Variants in PRMT2 observed in about 807,000 individuals in gnomAD.
PRMT2 encodes the protein protein arginine methyltransferase 2, also known as protein arginine N-methyltransferase 2.
In PRMT2, 26 loss-of-function variants were observed where a neutral mutation model predicts 57.6. That is an observed-to-expected ratio of 0.45 (90% confidence interval 0.33 to 0.63). The LOEUF (loss-of-function observed/expected upper bound fraction) is 0.63, where lower values mean the gene tolerates loss of function less well. PRMT2 is among the 20% of genes least tolerant of loss of function. The probability of loss-of-function intolerance (pLI) is 0.02; values close to 1 mark genes in which losing one functional copy is unlikely to be tolerated. For missense variants in PRMT2, 472 were observed against 564.4 expected (o/e 0.84, Z 1.66); for synonymous variants, 219 against 220.0 (o/e 1.00, Z 0.04).
chr21:46,648,445 G>T lies in PRMT2; in HGVS notation c.328-13G>T. The T allele has an allele frequency of 6.2e-7, 1 of 1,613,492 alleles. No homozygotes were observed. The highest frequency in any genetic ancestry group is 8.5e-7 in the Non-Finnish European group (1 of 1,179,616). ...GGTCACAGGCAGTGATTCTGAATGT[G>T]CATTTCTTCCAGAAACTCCACTTGG... On this transcript the variant is annotated splice_polypyrimidine_tract_variant and intron_variant, in intron 5 of 11. Transcript: ENST00000355680. The surrounding 1 kb of genome is among the most constrained non-coding windows in gnomAD (Gnocchi z 4.8).
chr21:46,660,999 T>C (rs373303953), intron 9 of PRMT2, 37 bp downstream of exon 9: 1 of 1,595,548 alleles, frequency 6.3e-7, no homozygotes, highest in Admixed American at 1.7e-5. Flanking sequence ...CATTCGATAA[T>C]CAGTGACCAC....
In PRMT2 at chr21:46,649,803, T is replaced by C; in HGVS notation, c.654+64T>C. Reference sequence around the variant, plus strand: ...GGGGGCTTCTGAGCACGGGCTCGGCTGGGCCAACCTCAGGATCTCAAGGGT... The same window carrying C: ...GGGGGCTTCTGAGCACGGGCTCGGCCGGGCCAACCTCAGGATCTCAAGGGT... On this transcript the variant is annotated intron_variant, in intron 7 of 11. Transcript: ENST00000355680. The surrounding 1 kb of genome is among the most constrained non-coding windows in gnomAD (Gnocchi z 4.8). 1 of 1,570,896 alleles carries C rather than the reference T, an allele frequency of 6.4e-7. No homozygotes were observed. Among genetic ancestry groups the C allele is most frequent in the Non-Finnish European group, 8.6e-7 (1 of 1,156,830 alleles).
At chr21:46,642,611 T>C (rs2061295703) in intron 3 of PRMT2, among the ~76,000 whole-genome samples, 1 of 152,264 alleles carries the variant, frequency 6.6e-6, no homozygotes, top group Admixed American at 6.5e-5. Flanking sequence ...ATTACTTTTA[T>C]GTTTAGGAAA....
At chr21:46,660,223 C>G (rs2061599663) in intron 8 of PRMT2, 1 of 942,762 alleles carries the variant, frequency 1.1e-6, no homozygotes, top group African/African-American at 1.8e-5. Context: ...CTAGTGCAGC[C>G]AGTGATGGGG....
chr21:46,644,571 G>A, intron 5 of PRMT2, 83 bp downstream of exon 5: 2 of 1,385,718 alleles, frequency 1.4e-6, no homozygotes, highest in Non-Finnish European at 1.9e-6. Flanking sequence ...TTCAGAGCAG[G>A]CCCATAGTCT....
chr21:46,664,407 C>G lies in PRMT2; in HGVS notation c.*80C>G, dbSNP rs770532302. The G allele has an allele frequency of 6.5e-7, 1 of 1,540,542 alleles. No homozygotes were observed. Among genetic ancestry groups the G allele is most frequent in the Non-Finnish European group, 9.0e-7 (1 of 1,115,012 alleles). On this transcript the variant is annotated 3_prime_UTR_variant, in exon 12 of 12. Transcript: ENST00000355680. ...AAGCAAACCAAGTTGCACCTGGCTTCTGCACACTCCTGCGAAAGTCGGTGA... is the reference window on the plus strand; with the variant it reads ...AAGCAAACCAAGTTGCACCTGGCTTGTGCACACTCCTGCGAAAGTCGGTGA...
At position 46,649,497 on chromosome 21, in the gene PRMT2, G is replaced by A; in HGVS notation, c.490-78G>A. 2 of 1,602,402 alleles carry A rather than the reference G, an allele frequency of 1.2e-6. No individual in the cohort carries two copies. The highest frequency in any genetic ancestry group is 1.7e-6 in the Non-Finnish European group (2 of 1,171,102). On this transcript the variant is annotated intron_variant, in intron 6 of 11. Transcript: ENST00000355680. This position sits in a 1 kb window ranked among gnomAD's most constrained non-coding sequence, Gnocchi z 4.8. ...TGTGTCATTGACCATTTCTCGTGAT[G>A]CTGGTTGTGACTCAGGAGAGTAGAT...
chr21:46,653,231 C>A (rs1319083312), intron 7 of PRMT2: 2 of 985,162 alleles, frequency 2.0e-6, no homozygotes, highest in African/African-American at 3.5e-5. Context: ...CTTCACACAG[C>A]CTTGTACTGT....
At chr21:46,642,297 A>G (rs931080862) in intron 3 of PRMT2, among the ~76,000 whole-genome samples, 1 of 152,260 alleles carries the variant, frequency 6.6e-6, no homozygotes, top group Non-Finnish European at 1.5e-5. Flanking sequence ...TAAATGTACA[A>G]GACTAGGAAA....
rs141845387 is a variant in PRMT2, at chr21:46,641,322, G to T, written c.40-2213G>T. Reference sequence around the variant, plus strand: ...AGCGGAATTCCTGCTATGGAATATCGTATAGCCATTGAAGGTAGTAAATCA... The same window carrying T: ...AGCGGAATTCCTGCTATGGAATATCTTATAGCCATTGAAGGTAGTAAATCA... On this transcript the variant is annotated intron_variant, in intron 3 of 11. Coordinates refer to ENST00000355680, the MANE Select transcript of PRMT2 (RefSeq NM_206962.4). Among the ~76,000 whole-genome samples the T allele has an allele frequency of 3.4e-3, 519 of 152,282 alleles. 4 individuals carry two copies. Among genetic ancestry groups the T allele is most frequent in the African/African-American group, 0.012 (491 of 41,546 alleles).
intron 7 of PRMT2, 168 bp from the exon 8 acceptor site, chr21:46,658,577 A>C (rs1402119755): frequency 1.2e-5 from 16 of 1,282,384 alleles, no homozygotes; most frequent in Non-Finnish European, 1.7e-5. Context: ...GTGGGCATAA[A>C]ATAAACCCTC....
chr21:46,660,118 T>C (rs1054691), intron 8 of PRMT2: 87,382 of 972,138 alleles, frequency 0.09, 4,365 homozygotes, highest in Non-Finnish European at 0.098. Flanking sequence ...GTGGAATCTT[T>C]ATTAAAACAT....
chr21:46,641,015 T>G (rs1186328537), intron 3 of PRMT2, among the ~76,000 whole-genome samples: 1 of 151,376 alleles, frequency 6.6e-6, no homozygotes, highest in Non-Finnish European at 1.5e-5. Flanking sequence ...TCCCAGCTAC[T>G]TGAGAGGCTG....
chr21:46,661,972 GGGGGGCA>G, intron 10 of PRMT2, 36 bp downstream of exon 10: 2 of 1,151,354 alleles, frequency 1.7e-6, no homozygotes, highest in Non-Finnish European at 1.1e-6. Context: ...GGTGCGGGGT[GGGGGGCA>G]GGGGAGTAGG....
At chr21:46,643,341 T>A in intron 3 of PRMT2, 194 bp from the exon 4 acceptor site, 1 of 1,125,028 alleles carries the variant, frequency 8.9e-7, no homozygotes, top group Non-Finnish European at 1.1e-6. Context: ...TAATTTTTTT[T>A]TTTAGAAAAG....
chr21:46,649,697 G>A lies in PRMT2; in HGVS notation c.612G>A (p.Lys204=), dbSNP rs746775600. 8.1e-6 allele frequency: 13 copies of A among 1,614,004 alleles called. No homozygotes were observed. In the South Asian group the frequency reaches 1.3e-4, roughly 16 times the overall value. ...TGGAGGATGTGGTGCTGCCCGAGAA[G>A]GTGGACGTGCTGGTGTCTGAGTGGA... ...QKVEDVVLPE[K]VDVLVSEWMG... Residue 204 remains lysine (K), a synonymous_variant, in exon 7 of 12, where the codon AAG becomes AAA. Transcript: ENST00000355680. This position sits in a 1 kb window ranked among gnomAD's most constrained non-coding sequence, Gnocchi z 4.8.
At chr21:46,641,145 A>G (rs1443837854) in intron 3 of PRMT2, among the ~76,000 whole-genome samples, 2 of 141,154 alleles carry the variant, frequency 1.4e-5, no homozygotes, top group African/African-American at 2.6e-5. Context: ...AAAAAAGCGT[A>G]TTCTTCAACC....
In PRMT2 at chr21:46,648,622, G is replaced by A; in HGVS notation, c.489+3G>A. 3.1e-6 allele frequency: 5 copies of A among 1,611,860 alleles called. No individual in the cohort carries two copies. Among genetic ancestry groups the A allele is most frequent in the South Asian group, 1.1e-5 (1 of 91,064 alleles). On this transcript the variant is annotated splice_donor_region_variant and intron_variant, in intron 6 of 11. Coordinates refer to ENST00000355680, the MANE Select transcript of PRMT2 (RefSeq NM_206962.4). The surrounding 1 kb of genome is among the most constrained non-coding windows in gnomAD (Gnocchi z 4.8). ...CACACTATGCGCGGCCTAGAGCGGT[G>A]AGTGGGGTCTCGAGCGCATCCCGGG...
chr21:46,654,646 C>T (rs2061514627), intron 7 of PRMT2, among the ~76,000 whole-genome samples: 1 of 152,116 alleles, frequency 6.6e-6, no homozygotes, highest in Admixed American at 6.5e-5. Context: ...CAACAATAAA[C>T]ATCAATACAA....
Sources: gnomAD v4.1 joint callset for allele counts (sites outside exome capture counted in the v4.1 genomes callset) on GRCh38, gnomAD v4.1.1 for gene constraint, Gnocchi (gnomAD v3.1) non-coding constraint, MANE v1.5 for transcripts, NCBI Gene and HGNC (gene_info 2026-07-23, HGNC 2026-07-21) for gene names.